RUFY2: variants seen among roughly 807,000 people sequenced by gnomAD.
The protein encoded by RUFY2 is RUN and FYVE domain-containing protein 2.
A neutral mutation model predicts 94.4 loss-of-function variants in RUFY2; 49 were observed. The ratio of observed to expected loss-of-function variants is 0.52; its 90% confidence interval spans 0.41 to 0.66. RUFY2 has a LOEUF of 0.66. Among genes scored for constraint, RUFY2 ranks in the 30% least tolerant of loss-of-function variants. RUFY2 has a pLI of 0.00. For synonymous variants in RUFY2, 255 were observed against 235.7 expected (o/e 1.08, Z -0.75); for missense variants, 541 against 692.8 (o/e 0.78, Z 2.46).
chr10:68,394,502 A>C (rs1306363502), intron 4 of RUFY2, 51 bp from the exon 5 acceptor site: 1 of 1,379,002 alleles, frequency 7.3e-7, no homozygotes, highest in East Asian at 2.3e-5. Flanking sequence ...TATTTCAAAA[A>C]CTAAAATTTA....
intron 12 of RUFY2, 106 bp downstream of exon 12, chr10:68,379,318 T>C: frequency 1.2e-6 from 1 of 841,732 alleles, no homozygotes; most frequent in East Asian, 2.7e-5. Flanking sequence ...AAAAAACATG[T>C]CCTAATCTAT....
intron 7 of RUFY2, 73 bp downstream of exon 7, chr10:68,393,065 C>T (rs921092364): frequency 8.4e-6 from 6 of 716,156 alleles, no homozygotes; most frequent in African/African-American, 3.7e-5. Flanking sequence ...GAAAGGAATA[C>T]GGTAAGCTGA....
At chr10:68,360,688 C>T (rs1400810317) in intron 15 of RUFY2, among the ~76,000 whole-genome samples, 3 of 152,014 alleles carry the variant, frequency 2.0e-5, no homozygotes, top group Admixed American at 6.6e-5. Context: ...GCAGAGCTTG[C>T]AGTGAGCTGA....
intron 12 of RUFY2, chr10:68,377,829 A>G: frequency 1.0e-6 from 1 of 985,388 alleles, no homozygotes; most frequent in Non-Finnish European, 1.2e-6. Context: ...ATTTCGGTTC[A>G]ACTAACTAAA....
At chr10:68,373,075 T>C (rs989652392) in intron 13 of RUFY2, among the ~76,000 whole-genome samples, 1 of 152,168 alleles carries the variant, frequency 6.6e-6, no homozygotes, top group Non-Finnish European at 1.5e-5. Context: ...TCTCAATATA[T>C]GTAAAAGAGA....
At chr10:68,372,170 A>G (rs191888740) in intron 13 of RUFY2, among the ~76,000 whole-genome samples, 1 of 152,270 alleles carries the variant, frequency 6.6e-6, no homozygotes, top group East Asian at 1.9e-4. Context: ...ACACTTTGGA[A>G]GATCATGGCA....
chr10:68,361,092 G>A (rs1360157787), intron 15 of RUFY2, among the ~76,000 whole-genome samples: 1 of 151,976 alleles, frequency 6.6e-6, no homozygotes, highest in African/African-American at 2.4e-5. Context: ...GACTAGACTG[G>A]CCAACATGGT....
In RUFY2 at chr10:68,344,862, T is replaced by C. The variant is rs1189463631; in HGVS notation, c.*906A>G. Reference sequence around the variant, plus strand: ...TAATACAAAATTTTTTGAACTGAACTCTAATACATTACCAAAGCAAAGTCC... The same window carrying C: ...TAATACAAAATTTTTTGAACTGAACCCTAATACATTACCAAAGCAAAGTCC... On this transcript the variant is annotated 3_prime_UTR_variant, in exon 18 of 18. Coordinates refer to ENST00000602465, the MANE Select transcript of RUFY2 (RefSeq NM_001330103.2). 1 of 152,228 alleles carries C rather than the reference T, an allele frequency of 6.6e-6. No homozygotes were observed. Among genetic ancestry groups the C allele is most frequent in the Non-Finnish European group, 1.5e-5 (1 of 68,036 alleles). The allele number at this position is 152,228 out of a possible 1,614,324, so 9.4% of individuals were successfully genotyped here.
intron 7 of RUFY2, among the ~76,000 whole-genome samples, chr10:68,389,314 C>T (rs765591951): frequency 2.6e-5 from 4 of 152,132 alleles, no homozygotes; most frequent in Non-Finnish European, 4.4e-5. Context: ...TGAACTGGGC[C>T]GGCCACGGTG....
intron 16 of RUFY2, among the ~76,000 whole-genome samples, chr10:68,347,120 T>C (rs117222919): frequency 0.013 from 2,009 of 151,988 alleles, 15 homozygotes; most frequent in Non-Finnish European, 0.022. Context: ...AGTGAGACCC[T>C]GTCTCAAGAA....
Position 68,378,672 on chromosome 10 carries a change from T to A in RUFY2, c.1205+752A>T. 6.2e-7 allele frequency: 1 copy of A among 1,605,400 alleles called. No homozygotes were observed. Reference sequence around the variant, plus strand: ...GTTTGAGTTAACAAATCGTTGTCACTTCATAATGGAATGGAAAGAAATCAA... The same window carrying A: ...GTTTGAGTTAACAAATCGTTGTCACATCATAATGGAATGGAAAGAAATCAA... On this transcript the variant is annotated intron_variant, in intron 12 of 17. Transcript: ENST00000602465.
intron 15 of RUFY2, among the ~76,000 whole-genome samples, chr10:68,360,871 C>G (rs2047412722): frequency 6.6e-6 from 1 of 150,788 alleles, no homozygotes; most frequent in South Asian, 2.1e-4. Flanking sequence ...GCACTCCAGC[C>G]TGGGTGACAG....
intron 8 of RUFY2, among the ~76,000 whole-genome samples, chr10:68,385,589 C>CT (rs969944299): frequency 9.9e-5 from 15 of 151,658 alleles, no homozygotes; most frequent in African/African-American, 3.2e-4. Context: ...ACAAGAATTT[C>CT]TTTTTTTTAA....
chr10:68,401,426 A>T (rs1481120483), intron 3 of RUFY2, among the ~76,000 whole-genome samples, 194 bp downstream of exon 3: 2 of 152,246 alleles, frequency 1.3e-5, no homozygotes, highest in African/African-American at 4.8e-5. Flanking sequence ...TTGATCGAAG[A>T]GGCTAAGAAA....
chr10:68,359,789 C>CA (rs1263922397), intron 15 of RUFY2, among the ~76,000 whole-genome samples: 98 of 122,086 alleles, frequency 8.0e-4, no homozygotes, highest in Admixed American at 1.1e-3. Flanking sequence ...AACTCCGTCT[C>CA]AAAAAAAAAA....
intron 1 of RUFY2, chr10:68,406,976 G>C (rs1023171379): frequency 6.5e-7 from 1 of 1,537,076 alleles, no homozygotes; most frequent in Non-Finnish European, 8.8e-7. Context: ...GAACCCGGGC[G>C]GGAACGGGCC....
intron 13 of RUFY2, among the ~76,000 whole-genome samples, chr10:68,374,558 C>T (rs182590133): frequency 6.8e-4 from 103 of 152,216 alleles, no homozygotes; most frequent in Non-Finnish European, 1.1e-3. Flanking sequence ...ATTTACCAAT[C>T]CACAATTACA....
intron 13 of RUFY2, among the ~76,000 whole-genome samples, chr10:68,370,884 G>C (rs569544984): frequency 1.3e-5 from 2 of 151,732 alleles, no homozygotes; most frequent in Non-Finnish European, 2.9e-5. Context: ...TGTAATCCCA[G>C]CACTTCGAGA....
chr10:68,372,359 C>T (rs1004609515), intron 13 of RUFY2, among the ~76,000 whole-genome samples: 3 of 151,960 alleles, frequency 2.0e-5, no homozygotes, highest in Non-Finnish European at 4.4e-5. Flanking sequence ...ATGATCACGC[C>T]ACTACACCCC....
Sources: allele counts gnomAD v4.1 joint callset (sites outside exome capture counted in the v4.1 genomes callset), GRCh38; gene constraint gnomAD v4.1.1; transcripts MANE v1.5; gene names NCBI Gene and HGNC (gene_info 2026-07-23, HGNC 2026-07-21).